PP2D1: variants seen among roughly 807,000 people sequenced by gnomAD.
PP2D1 encodes the protein protein phosphatase 2C-like domain-containing protein 1.
In PP2D1, 25 loss-of-function variants were observed where a neutral mutation model predicts 30.2. The observed-to-expected ratio is 0.83, with a 90% CI of 0.60 to 1.16. The LOEUF is 1.16. Among genes scored for constraint, PP2D1 ranks in the 50% most tolerant of loss-of-function variants. The probability of loss-of-function intolerance (pLI) is 0.00; values close to 1 mark genes in which losing one functional copy is unlikely to be tolerated. For missense variants in PP2D1, 760 were observed against 742.4 expected, an observed-to-expected ratio of 1.02 and a Z score of -0.28; for synonymous variants, 260 against 258.9, an observed-to-expected ratio of 1.00 and a Z score of -0.04.
At chr3:20,011,799 A>AAAAT (rs201099657) in intron 1 of PP2D1, among the ~76,000 whole-genome samples, 1 of 151,546 alleles carries the variant, frequency 6.6e-6, no homozygotes. Context: ...ACTCTGTCTC[A>AAAAT]AAATAAATAA....
intron 1 of PP2D1, among the ~76,000 whole-genome samples, chr3:20,003,564 GA>G (rs539730558): frequency 9.2e-5 from 14 of 152,044 alleles, no homozygotes; most frequent in Non-Finnish European, 1.6e-4. Context: ...CCAACATGGT[GA>G]AACCCCGTTT....
intron 1 of PP2D1, among the ~76,000 whole-genome samples, chr3:20,006,924 C>T (rs549191805): frequency 6.0e-5 from 9 of 150,606 alleles, no homozygotes; most frequent in South Asian, 2.1e-4. Context: ...TTACAGATGC[C>T]CGCCTAAAAT....
At position 19,985,963 on chromosome 3, in the gene PP2D1, T is replaced by C. The variant is rs774045382; in HGVS notation, c.1310A>G (p.Gln437Arg). Reference protein sequence around the residue: ...KLKKSIIPAPQTISVPIDDLC... With the variant: ...KLKKSIIPAPRTISVPIDDLC... Reference sequence around the variant, plus strand: ...GTCATCTATAGGGACAGAAATAGTTTGAGGTGCTGGGATAATGGATTTTTT... The same window carrying C: ...GTCATCTATAGGGACAGAAATAGTTCGAGGTGCTGGGATAATGGATTTTTT... The change falls in exon 3 of 3, where the codon CAA (glutamine) becomes CGA (arginine). Residue 437 changes from glutamine (Q) to arginine (R), a missense_variant. Around this residue, in one of 3 missense-constraint regions of PP2D1, gnomAD observed 369 missense variants for 316.2 expected, o/e 1.17. Transcript: ENST00000389050. The C allele has an allele frequency of 6.5e-7, 1 of 1,536,236 alleles. No homozygotes were observed.
chr3:19,988,992 A>C (rs115584195), intron 2 of PP2D1, among the ~76,000 whole-genome samples: 3,907 of 152,146 alleles, frequency 0.026, 157 homozygotes, highest in African/African-American at 0.089. Context: ...TCAAAAAAAA[A>C]CAAAAAAGGT....
At position 20,012,248 on chromosome 3, in the gene PP2D1, A is replaced by C. The variant is rs1193707119; in HGVS notation, c.-176T>G. 3 of 611,478 alleles carry C rather than the reference A, an allele frequency of 4.9e-6. No homozygotes were observed. The African/African-American group carries it at 5.5e-5, about 11-fold the overall frequency. 37.9% of individuals were successfully genotyped at this position (611,478 alleles called of 1,614,324 possible). A position where few individuals can be genotyped will look rare whatever the true frequency, so the allele number is the denominator to read the frequency against. On this transcript the variant is annotated 5_prime_UTR_variant, in exon 1 of 3. Coordinates refer to ENST00000389050, the MANE Select transcript of PP2D1 (RefSeq NM_001252657.2). ...GGGCATTCCCCTCACTTGATGGTAG[A>C]GCTCCCTGTGTGGAATGTTCACTAC...
At chr3:19,986,329 A>G (rs1321816584) in intron 2 of PP2D1, 147 bp from the exon 3 acceptor site, 2 of 588,426 alleles carry the variant, frequency 3.4e-6, no homozygotes, top group African/African-American at 3.7e-5. Context: ...TGTGTAATAT[A>G]TCACTACTGA....
chr3:20,008,485 T>A (rs1697349017), intron 1 of PP2D1, among the ~76,000 whole-genome samples: 1 of 152,088 alleles, frequency 6.6e-6, no homozygotes, highest in African/African-American at 2.4e-5. Context: ...GAGAATCGTG[T>A]GAACCCGGGA....
At chr3:19,993,105 G>A (rs1352478445) in intron 2 of PP2D1, among the ~76,000 whole-genome samples, 8 of 152,184 alleles carry the variant, frequency 5.3e-5, no homozygotes, top group Non-Finnish European at 2.9e-5. Flanking sequence ...GTAAAGTTGT[G>A]CCTGGTCTCT....
In PP2D1 at chr3:20,001,838, T is replaced by A; in HGVS notation, c.282A>T (p.Gln94His). The A allele has an allele frequency of 6.5e-7, 1 of 1,535,510 alleles. No homozygotes were observed. The highest frequency in any genetic ancestry group is 8.7e-7 in the Non-Finnish European group (1 of 1,146,690). The change falls in exon 2 of 3, where the codon CAA (glutamine) becomes CAT (histidine). Residue 94 changes from glutamine to histidine, a missense_variant. Coordinates refer to ENST00000389050, the MANE Select transcript of PP2D1 (RefSeq NM_001252657.2). Reference sequence around the variant, plus strand: ...GCTGTGGTTTCTTTCTACCCATCCATTGGAAACCCAGCGTGGCCAGAGCTA... The same window carrying A: ...GCTGTGGTTTCTTTCTACCCATCCAATGGAAACCCAGCGTGGCCAGAGCTA... ...QHVALATLGFQWMGRKKPQPS... is the reference protein window; with the variant it reads ...QHVALATLGFHWMGRKKPQPS...
intron 2 of PP2D1, among the ~76,000 whole-genome samples, chr3:19,987,986 T>C (rs1432153497): frequency 2.0e-5 from 3 of 152,200 alleles, no homozygotes; most frequent in Non-Finnish European, 4.4e-5. Flanking sequence ...TAATTTCTTA[T>C]GTCTGTCTTT....
At position 19,987,037 on chromosome 3, in the gene PP2D1, CAAA is replaced by C. The variant is rs36014617; in HGVS notation, c.1091-858_1091-856del. 2.6e-4 allele frequency among the ~76,000 whole-genome samples: 30 copies of C among 116,458 alleles called. 1 individual carries two copies. The South Asian group carries it at 4.4e-3, about 17-fold the overall frequency. The allele number at this position is 116,458 out of a possible 152,430, so 76.4% of individuals were successfully genotyped here. ...GGGCAACAAGAGCAAAAATCTGCCTCAAAAAAAAAAAAAAAAATCATTCCTGTG... is the reference window on the plus strand; with the variant it reads ...GGGCAACAAGAGCAAAAATCTGCCTCAAAAAAAAAAAAAATCATTCCTGTG... On this transcript the variant is annotated intron_variant, in intron 2 of 2. Transcript: ENST00000389050.
downstream of PP2D1, chr3:19,985,263 T>G: frequency 2.7e-6 from 2 of 734,718 alleles, no homozygotes; most frequent in Non-Finnish European, 4.3e-6. Context: ...CGCTTTTATA[T>G]TTTCTTTACT....
downstream of PP2D1, chr3:19,983,821 T>C (rs758032572): frequency 1.3e-6 from 2 of 1,582,656 alleles, no homozygotes; most frequent in Non-Finnish European, 1.7e-6. Context: ...TTGTAGTAAC[T>C]AAACCTCTAG....
At chr3:20,003,762 A>G (rs374817263) in intron 1 of PP2D1, among the ~76,000 whole-genome samples, 2 of 152,056 alleles carry the variant, frequency 1.3e-5, no homozygotes, top group East Asian at 3.8e-4. Flanking sequence ...AAAGATAAAT[A>G]AATAAATAAT....
At chr3:20,004,298 C>T (rs2948101) in intron 1 of PP2D1, among the ~76,000 whole-genome samples, 111,490 of 152,142 alleles carry the variant, frequency 0.73, 41,381 homozygotes, top group Non-Finnish European at 0.79. Context: ...GCATATAGCC[C>T]AGGTGTTAGT....
chr3:19,989,626 T>C (rs1697089863), intron 2 of PP2D1, among the ~76,000 whole-genome samples: 1 of 152,182 alleles, frequency 6.6e-6, no homozygotes, highest in African/African-American at 2.4e-5. Context: ...TATTACTGAA[T>C]CAGCAAGACA....
chr3:20,000,386 A>G (rs1697236521), intron 2 of PP2D1, among the ~76,000 whole-genome samples: 1 of 152,224 alleles, frequency 6.6e-6, no homozygotes, highest in South Asian at 2.1e-4. Context: ...TAAGTATCTC[A>G]TGGAACTCAG....
chr3:19,996,171 T>C (rs531464075), intron 2 of PP2D1, among the ~76,000 whole-genome samples: 379 of 151,886 alleles, frequency 2.5e-3, no homozygotes, highest in African/African-American at 8.6e-3. Context: ...ATGAAAAGAT[T>C]TTAAAAGTCA....
At chr3:20,005,295 G>C in intron 1 of PP2D1, among the ~76,000 whole-genome samples, 2 of 151,966 alleles carry the variant, frequency 1.3e-5, no homozygotes, top group East Asian at 3.9e-4. Context: ...TGGGATTACA[G>C]GCATGCACCA....
Sources: gnomAD v4.1 joint callset for allele counts (sites outside exome capture counted in the v4.1 genomes callset) on GRCh38, gnomAD v4.1.1 for gene constraint, gnomAD v4.1.1 regional missense constraint, MANE v1.5 for transcripts, NCBI Gene and HGNC (gene_info 2026-07-23, HGNC 2026-07-21) for gene names.